The following GRAP2 variants were observed in gnomAD, a reference collection of about 807,000 sequenced individuals.
GRAP2 encodes the protein GRB2-related adapter protein 2.
Under a neutral mutation model 43.5 loss-of-function variants are expected in GRAP2, and 31 were observed. The observed-to-expected ratio is 0.71, with a 90% CI of 0.54 to 0.96. GRAP2 has a LOEUF of 0.96. Ranked by LOEUF, GRAP2 falls within the 40% of genes least tolerant of loss-of-function variation. The pLI, the probability that GRAP2 is intolerant of heterozygous loss-of-function variation, is 0.00. For missense variants in GRAP2, 371 were observed against 424.4 expected (o/e 0.87, Z 1.11); for synonymous variants, 156 against 164.8 (o/e 0.95, Z 0.41).
At chr22:39,959,861 A>G (rs1459423710) in intron 3 of GRAP2, among the ~76,000 whole-genome samples, 194 bp from the exon 4 acceptor site, 1 of 152,180 alleles carries the variant, frequency 6.6e-6, no homozygotes, top group Non-Finnish European at 1.5e-5. Context: ...GGGTGAATCA[A>G]GGGGAATGCT....
chr22:39,899,685 T>C (rs193245895), upstream of GRAP2, among the ~76,000 whole-genome samples: 3 of 152,242 alleles, frequency 2.0e-5, no homozygotes, highest in Admixed American at 2.0e-4. Context: ...GAAAGCCTGT[T>C]ATTAAGGAGC....
At chr22:39,950,086 C>G (rs998222292) in intron 2 of GRAP2, among the ~76,000 whole-genome samples, 1 of 152,106 alleles carries the variant, frequency 6.6e-6, no homozygotes, top group African/African-American at 2.4e-5. Flanking sequence ...GATGTAACGC[C>G]CCCAGGTTGC....
chr22:39,967,143 A>G (rs982707347), intron 5 of GRAP2, among the ~76,000 whole-genome samples: 3 of 152,250 alleles, frequency 2.0e-5, no homozygotes, highest in Non-Finnish European at 2.9e-5. Flanking sequence ...AGACTGTGAA[A>G]GCAATGTGTG....
chr22:39,951,472 A>G (rs866721980), intron 2 of GRAP2, among the ~76,000 whole-genome samples: 3 of 143,216 alleles, frequency 2.1e-5, no homozygotes, highest in African/African-American at 7.3e-5. Context: ...GATTTTTGCT[A>G]TGTTTCTAAA....
chr22:39,915,612 A>G (rs909491675), intron 1 of GRAP2, among the ~76,000 whole-genome samples: 1 of 152,150 alleles, frequency 6.6e-6, no homozygotes, highest in African/African-American at 2.4e-5. Context: ...TCTGACTTCT[A>G]TAGCTGGCAG....
At chr22:39,923,444 G>A (rs1473640653) in intron 1 of GRAP2, among the ~76,000 whole-genome samples, 1 of 152,174 alleles carries the variant, frequency 6.6e-6, no homozygotes, top group Non-Finnish European at 1.5e-5. Context: ...TTTCAAATAT[G>A]AGATGCTAGC....
At position 39,972,509 on chromosome 22, in the gene GRAP2, A is replaced by G. The variant is rs1486826183; in HGVS notation, c.*1425A>G. 1 of 152,354 alleles carries G rather than the reference A, an allele frequency of 6.6e-6. No individual in the cohort carries two copies. Among genetic ancestry groups the G allele is most frequent in the Non-Finnish European group, 1.5e-5 (1 of 68,094 alleles). The allele number at this position is 152,354 out of a possible 1,614,324, so 9.4% of individuals were successfully genotyped here. On this transcript the variant is annotated 3_prime_UTR_variant, in exon 8 of 8. Coordinates refer to ENST00000344138, the MANE Select transcript of GRAP2 (RefSeq NM_004810.4). ...TCTGTGTGTCTGTGTGTGTGCTGAG[A>G]CAGGAAAGGGGGTGAAAGTGTTGGT...
upstream of GRAP2, among the ~76,000 whole-genome samples, chr22:39,899,802 G>T (rs571905683): frequency 8.5e-5 from 13 of 152,180 alleles, no homozygotes; most frequent in African/African-American, 2.6e-4. Flanking sequence ...GGCCGACATG[G>T]TGAAACCCCA....
At chr22:39,901,999 G>A (rs924456557) in intron 1 of GRAP2, among the ~76,000 whole-genome samples, 1 of 152,118 alleles carries the variant, frequency 6.6e-6, no homozygotes, top group African/African-American at 2.4e-5. Context: ...CCAACCAAAG[G>A]TTTCACTAAT....
At chr22:39,898,080 A>G (rs1173855647), upstream of GRAP2, among the ~76,000 whole-genome samples, 2 of 152,130 alleles carry the variant, frequency 1.3e-5, no homozygotes, top group East Asian at 3.9e-4. Flanking sequence ...AGTGTTAAAC[A>G]TGTCTCCACC....
intron 1 of GRAP2, among the ~76,000 whole-genome samples, chr22:39,920,938 A>G (rs934169842): frequency 1.0e-5 from 1 of 96,398 alleles, no homozygotes; most frequent in African/African-American, 5.0e-5. Flanking sequence ...TAACTTCTCT[A>G]CACAGACACA....
Position 39,971,345 on chromosome 22 carries a change from G to A in GRAP2, c.*261G>A. 4.3e-6 allele frequency: 2 copies of A among 461,120 alleles called. No individual in the cohort carries two copies. Among genetic ancestry groups the A allele is most frequent in the Non-Finnish European group, 7.6e-6 (2 of 264,586 alleles). The allele number at this position is 461,120 out of a possible 1,614,324, so 28.6% of individuals were successfully genotyped here. On this transcript the variant is annotated 3_prime_UTR_variant, in exon 8 of 8. Transcript: ENST00000344138. The stretch of plus-strand genomic sequence containing the variant: ...GTGGAAGGCAGTGGGGGAGTTGGGA[G>A]GGGGGCAGGGAAATGAAATGGAGTT...
chr22:39,948,912 T>C (rs1010493561), intron 2 of GRAP2, among the ~76,000 whole-genome samples: 1 of 152,166 alleles, frequency 6.6e-6, no homozygotes, highest in Non-Finnish European at 1.5e-5. Flanking sequence ...TCCTGAAATA[T>C]ACACTTCCCT....
At chr22:39,906,813 C>G (rs1329718338) in intron 1 of GRAP2, among the ~76,000 whole-genome samples, 1 of 152,092 alleles carries the variant, frequency 6.6e-6, no homozygotes, top group Non-Finnish European at 1.5e-5. Flanking sequence ...CTGCTGAGAA[C>G]TCAGTAGGAA....
In GRAP2 at chr22:39,968,024, C is replaced by T; in HGVS notation, c.460-18C>T. The stretch of plus-strand genomic sequence containing the variant: ...AGAGAGGAGGATGCATCTGCAGCAT[C>T]TCTGTTCTTTCTCCCAGGGTCACCG... On this transcript the variant is annotated intron_variant, in intron 5 of 7. Coordinates refer to ENST00000344138, the MANE Select transcript of GRAP2 (RefSeq NM_004810.4). 3 of 1,608,834 alleles carry T rather than the reference C, an allele frequency of 1.9e-6. No individual in the cohort carries two copies. Among genetic ancestry groups the T allele is most frequent in the Non-Finnish European group, 1.7e-6 (2 of 1,176,484 alleles).
At position 39,920,941 on chromosome 22, in the gene GRAP2, C is replaced by T. The variant is rs1601697598; in HGVS notation, c.-15+19611C>T. On this transcript the variant is annotated intron_variant, in intron 1 of 7. Coordinates refer to ENST00000344138, the MANE Select transcript of GRAP2 (RefSeq NM_004810.4). ...AAAATGGGTATTTAACTTCTCTACA[C>T]AGACACACACACACACACACACACA... is the stretch of plus-strand genomic sequence containing the variant. Among the ~76,000 whole-genome samples, 4 of 87,162 alleles carry T rather than the reference C, an allele frequency of 4.6e-5. No individual in the cohort carries two copies. In the Middle Eastern group the frequency reaches 0.023, roughly 495 times the overall value. The allele number at this position is 87,162 out of a possible 152,430, so 57.2% of individuals were successfully genotyped here. A position where few individuals can be genotyped will look rare whatever the true frequency, so the allele number is the denominator to read the frequency against.
In GRAP2 at chr22:39,921,975, G is replaced by A. The variant is rs577936351; in HGVS notation, c.-15+20645G>A. 2.8e-4 allele frequency among the ~76,000 whole-genome samples: 42 copies of A among 152,132 alleles called. 1 individual carries two copies. Among genetic ancestry groups the A allele is most frequent in the African/African-American group, 9.4e-4 (39 of 41,474 alleles). On this transcript the variant is annotated intron_variant, in intron 1 of 7. Transcript: ENST00000344138. ...GAGCAAAGTTGAGTTCCATCATATT[G>A]TCAGTTGGTTTCACTCCATCATATT...
At chr22:39,930,757 C>T (rs971970742) in intron 1 of GRAP2, among the ~76,000 whole-genome samples, 1 of 152,184 alleles carries the variant, frequency 6.6e-6, no homozygotes, top group African/African-American at 2.4e-5. Context: ...TGATCTGCCC[C>T]CAGTCCAATC....
At chr22:39,965,332 C>T (rs866595082) in intron 4 of GRAP2, among the ~76,000 whole-genome samples, 4 of 152,154 alleles carry the variant, frequency 2.6e-5, no homozygotes, top group Non-Finnish European at 5.9e-5. Flanking sequence ...GAGATCACAC[C>T]ACTGCACTCC....
Sources: gnomAD v4.1 joint callset for allele counts (sites outside exome capture counted in the v4.1 genomes callset) on GRCh38, gnomAD v4.1.1 for gene constraint, MANE v1.5 for transcripts, NCBI Gene and HGNC (gene_info 2026-07-23, HGNC 2026-07-21) for gene names.